The following RP1 variants were observed in gnomAD, a reference collection of about 807,000 sequenced individuals.
The protein encoded by RP1 is RP1 axonemal microtubule associated.
In RP1, 16 loss-of-function variants were observed where a neutral mutation model predicts 14.8. That is an observed-to-expected ratio of 1.08 (90% CI 0.73 to 1.65). RP1 has a LOEUF of 1.65. Ranked by LOEUF, RP1 falls within the 40% of genes most tolerant of loss-of-function variation. The pLI is 0.00. For synonymous variants in RP1, 876 were observed against 883.6 expected (o/e 0.99, Z 0.15); for missense variants, 2,631 against 2,535.0 (o/e 1.04, Z -0.81).
At chr8:54,803,381 A>G (rs1270755089) in intron 24 of RP1, among the ~76,000 whole-genome samples, 1 of 152,176 alleles carries the variant, frequency 6.6e-6, no homozygotes, top group Non-Finnish European at 1.5e-5. Flanking sequence ...CTACCTTGTA[A>G]CACCGGGGAT....
chr8:54,865,829 A>G (rs756181394), intron 27 of RP1: 105 of 1,177,944 alleles, frequency 8.9e-5, no homozygotes, highest in Non-Finnish European at 1.1e-4. Context: ...TTGTCAACTG[A>G]CACAGGTAAT....
intron 1 of RP1, among the ~76,000 whole-genome samples, chr8:54,599,387 G>A (rs1451080910): frequency 6.6e-6 from 1 of 151,872 alleles, no homozygotes; most frequent in East Asian, 1.9e-4. Flanking sequence ...TAGTTGTATG[G>A]CATCTGCTTT....
intron 4 of RP1, among the ~76,000 whole-genome samples, chr8:54,650,612 C>G (rs938954633): frequency 2.0e-5 from 3 of 151,804 alleles, no homozygotes; most frequent in African/African-American, 7.3e-5. Context: ...CCCTAGCAAC[C>G]TCTGTCTTGT....
intron 28 of RP1, among the ~76,000 whole-genome samples, chr8:54,869,257 C>T (rs1263054170): frequency 6.6e-6 from 1 of 152,154 alleles, no homozygotes; most frequent in African/African-American, 2.4e-5. Flanking sequence ...CATATGTCTA[C>T]TGAACTGTGG....
chr8:54,816,183 A>G (rs1394491092), intron 24 of RP1, among the ~76,000 whole-genome samples: 3 of 152,224 alleles, frequency 2.0e-5, no homozygotes, highest in African/African-American at 7.2e-5. Context: ...TAATAAAGTC[A>G]CTGACTACAT....
At position 54,630,598 on chromosome 8, in the gene RP1, A is replaced by G; in HGVS notation, c.*245A>G. On this transcript the variant is annotated 3_prime_UTR_variant, in exon 4 of 4. Coordinates refer to ENST00000220676, the MANE Select transcript of RP1 (RefSeq NM_006269.2). ...TTCTATCTGGTTTTGTTCTGAACTT[A>G]CATTTTTTTTTTTTTTGGTATCTAT... 1 of 1,205,306 alleles carries G rather than the reference A, an allele frequency of 8.3e-7. No homozygotes were observed. The highest frequency in any genetic ancestry group is 1.0e-6 in the Non-Finnish European group (1 of 966,286). 74.7% of individuals were successfully genotyped at this position (1,205,306 alleles called of 1,614,324 possible).
chr8:54,854,322 G>A (rs1371400759), intron 26 of RP1, among the ~76,000 whole-genome samples: 1 of 152,154 alleles, frequency 6.6e-6, no homozygotes, highest in Admixed American at 6.5e-5. Flanking sequence ...CAAAGAAACA[G>A]AAGACAGTCC....
intron 24 of RP1, among the ~76,000 whole-genome samples, chr8:54,825,119 G>A (rs1161697433): frequency 1.3e-5 from 2 of 152,062 alleles, no homozygotes; most frequent in Admixed American, 6.5e-5. Context: ...ACAGGCGCCT[G>A]CCACCACGGC....
chr8:54,730,808 C>T (rs1808777149), intron 17 of RP1, among the ~76,000 whole-genome samples: 1 of 151,980 alleles, frequency 6.6e-6, no homozygotes, highest in Non-Finnish European at 1.5e-5. Flanking sequence ...AATTGAGAAA[C>T]TGGAAATTTA....
At chr8:54,619,288 A>G (rs949611184) in intron 1 of RP1, among the ~76,000 whole-genome samples, 2 of 152,232 alleles carry the variant, frequency 1.3e-5, no homozygotes, top group African/African-American at 4.8e-5. Context: ...GATTGGAGAT[A>G]TATGAAGAAT....
chr8:54,856,788 C>T (rs916399083), intron 26 of RP1, among the ~76,000 whole-genome samples: 8 of 152,210 alleles, frequency 5.3e-5, no homozygotes, highest in African/African-American at 7.2e-5. Flanking sequence ...CTCCTAATTA[C>T]GTTCTAAAAA....
intron 1 of RP1, among the ~76,000 whole-genome samples, chr8:54,590,657 T>C (rs1169392172): frequency 1.3e-5 from 2 of 152,196 alleles, no homozygotes; most frequent in Admixed American, 1.3e-4. Context: ...TTAAATTCTC[T>C]TCCTAGAAAA....
At chr8:54,710,135 G>A (rs991776508) in intron 15 of RP1, among the ~76,000 whole-genome samples, 10 of 152,180 alleles carry the variant, frequency 6.6e-5, no homozygotes, top group African/African-American at 2.4e-4. Context: ...GGGCTTAGAC[G>A]ATGGCTATTC....
chr8:54,750,588 C>T lies in RP1; in HGVS notation c.2809-4215C>T, dbSNP rs4368955. Among the ~76,000 whole-genome samples the T allele has an allele frequency of 2.8e-3, 308 of 109,928 alleles. 1 individual carries two copies. The highest frequency in any genetic ancestry group is 0.01 in the African/African-American group (285 of 27,270). The allele number at this position is 109,928 out of a possible 152,430, so 72.1% of individuals were successfully genotyped here. A position where few individuals can be genotyped will look rare whatever the true frequency, so the allele number is the denominator to read the frequency against. The stretch of plus-strand genomic sequence containing the variant: ...GAGGATTGTAAAATGCCCTAATCAG[C>T]ACTCTGTAGCTAGGATTGTAAAACG... On this transcript the variant is annotated intron_variant, in intron 19 of 22. Transcript: ENST00000636932.
intron 25 of RP1, among the ~76,000 whole-genome samples, chr8:54,850,978 A>T (rs1042799540): frequency 6.6e-6 from 1 of 152,232 alleles, no homozygotes; most frequent in Non-Finnish European, 1.5e-5. Context: ...GTGCTCAACT[A>T]TGATAACCAC....
exon 6 of RP1, chr8:54,656,128 G>T: frequency 6.5e-7 from 1 of 1,535,266 alleles, no homozygotes; most frequent in Non-Finnish European, 8.7e-7. Flanking sequence ...TTATGTACCT[G>T]TTCAACGATG....
chr8:54,782,709 A>C (rs1395343270), intron 23 of RP1, among the ~76,000 whole-genome samples: 2 of 152,110 alleles, frequency 1.3e-5, no homozygotes, highest in Non-Finnish European at 2.9e-5. Context: ...TGGGTTGATG[A>C]TGTAGTTTCC....
chr8:54,650,406 A>G (rs1394548580), intron 4 of RP1, among the ~76,000 whole-genome samples: 1 of 152,090 alleles, frequency 6.6e-6, no homozygotes, highest in Non-Finnish European at 1.5e-5. Context: ...CTTTCTTTGT[A>G]TAGACCTTTT....
intron 24 of RP1, among the ~76,000 whole-genome samples, chr8:54,786,663 T>A (rs1421710260): frequency 6.6e-6 from 1 of 152,168 alleles, no homozygotes; most frequent in East Asian, 1.9e-4. Context: ...TCCATTTCAA[T>A]AATTTTTTTA....
Sources: gnomAD v4.1 joint callset for allele counts (sites outside exome capture counted in the v4.1 genomes callset) on GRCh38, gnomAD v4.1.1 for gene constraint, MANE v1.5 for transcripts, NCBI Gene and HGNC (gene_info 2026-07-23, HGNC 2026-07-21) for gene names.